The following PTPRG variants were observed in gnomAD, a reference collection of about 807,000 sequenced individuals.
PTPRG encodes the protein receptor-type tyrosine-protein phosphatase gamma.
A neutral mutation model predicts 165.3 loss-of-function variants in PTPRG; 102 were observed. The observed-to-expected ratio is 0.62, with a 90% confidence interval of 0.53 to 0.73. PTPRG has a LOEUF of 0.73. PTPRG is among the 30% of genes least tolerant of loss of function. The pLI, the probability that PTPRG is intolerant of heterozygous loss-of-function variation, is 0.00. For synonymous variants in PTPRG, 675 were observed against 669.5 expected, an observed-to-expected ratio of 1.01 and a Z score of -0.13; for missense variants, 1,866 against 1,861.4, an observed-to-expected ratio of 1.00 and a Z score of -0.05.
Position 62,264,457 on chromosome 3 carries a change from T to C in PTPRG, c.2656+1563T>C, listed in dbSNP as rs889260622. 4.6e-5 allele frequency among the ~76,000 whole-genome samples: 7 copies of C among 152,112 alleles called. No individual in the cohort carries two copies. In the East Asian group the frequency reaches 7.7e-4, roughly 17 times the overall value. On this transcript the variant is annotated intron_variant, in intron 17 of 29. Coordinates refer to ENST00000474889, the MANE Select transcript of PTPRG (RefSeq NM_002841.4). The stretch of plus-strand genomic sequence containing the variant: ...TTAGCAGGCACTCCCAATTCCTCCT[T>C]CTCTCCAGCACTTAGAAACCCTGTA...
intron 9 of PTPRG, among the ~76,000 whole-genome samples, chr3:62,194,483 A>G (rs554210544): frequency 1.3e-5 from 2 of 152,198 alleles, no homozygotes; most frequent in African/African-American, 4.8e-5. Flanking sequence ...CATGCCCCAT[A>G]CTCTGCGTAA....
chr3:61,911,282 C>T (rs972412057), intron 2 of PTPRG, among the ~76,000 whole-genome samples: 2 of 152,094 alleles, frequency 1.3e-5, no homozygotes, highest in African/African-American at 2.4e-5. Flanking sequence ...CTTTGTTTCT[C>T]CTTACTGTAT....
intron 2 of PTPRG, among the ~76,000 whole-genome samples, chr3:61,757,338 T>C (rs1306074348): frequency 6.6e-6 from 1 of 152,054 alleles, no homozygotes; most frequent in African/African-American, 2.4e-5. Flanking sequence ...GATTCATAAT[T>C]TTTTTTAATG....
intron 2 of PTPRG, among the ~76,000 whole-genome samples, chr3:61,789,614 A>C (rs1266061739): frequency 6.6e-6 from 1 of 152,212 alleles, no homozygotes; most frequent in Admixed American, 6.5e-5. Flanking sequence ...CTTTGCATTC[A>C]GTACTTTATA....
intron 2 of PTPRG, among the ~76,000 whole-genome samples, chr3:61,935,799 G>T (rs1340597981): frequency 6.6e-6 from 1 of 151,160 alleles, no homozygotes; most frequent in African/African-American, 2.4e-5. Context: ...ATTAATATTA[G>T]CCAACCTCAC....
rs138961202 is a variant in PTPRG, at chr3:61,869,033, G to T, written c.190+120051G>T. Among the ~76,000 whole-genome samples the T allele has an allele frequency of 3.5e-3, 533 of 151,988 alleles. 2 individuals carry two copies. The highest frequency in any genetic ancestry group is 0.012 in the African/African-American group (503 of 41,440). ...AGTTTCCACGCTTCATAAAGCATTAGGAGGACGGCATTTCACTTGCCGTTC... is the reference window on the plus strand; with the variant it reads ...AGTTTCCACGCTTCATAAAGCATTATGAGGACGGCATTTCACTTGCCGTTC... On this transcript the variant is annotated intron_variant, in intron 2 of 29. Transcript: ENST00000474889.
chr3:62,277,427 G>A, intron 25 of PTPRG, 124 bp from the exon 26 acceptor site: 3 of 1,093,852 alleles, frequency 2.7e-6, no homozygotes, highest in East Asian at 2.5e-5. Context: ...TGTACCGAAT[G>A]CCTTTCTCAA....
Position 61,562,334 on chromosome 3 carries a change from T to C in PTPRG, c.47T>C (p.Ile16Thr), listed in dbSNP as rs761960149. The change falls in exon 1 of 30, where the codon ATC (isoleucine) becomes ACC (threonine). Residue 16 changes from isoleucine (I) to threonine (T), a missense_variant. This residue lies in a region of PTPRG where 408 missense variants were observed against 376.2 expected (regional missense o/e 1.08). Transcript: ENST00000474889. ...EPCWWILFLK[I>T]TSSVLHYVVC... Reference sequence around the variant, plus strand: ...TGTTGGTGGATTTTGTTCCTGAAAATCACCAGTTCCGTGCTCCATTATGTC... The same window carrying C: ...TGTTGGTGGATTTTGTTCCTGAAAACCACCAGTTCCGTGCTCCATTATGTC... The C allele has an allele frequency of 6.8e-6, 11 of 1,613,612 alleles. 1 individual carries two copies. The South Asian group carries it at 1.1e-4, about 16-fold the overall frequency.
chr3:61,812,882 G>A (rs1487689898), intron 2 of PTPRG, among the ~76,000 whole-genome samples: 1 of 152,184 alleles, frequency 6.6e-6, no homozygotes, highest in East Asian at 1.9e-4. Flanking sequence ...TGCTCCTACT[G>A]GTTTAGGATG....
At position 62,121,921 on chromosome 3, in the gene PTPRG, A is replaced by G. The variant is rs540190291; in HGVS notation, c.616-10681A>G. ...CACGTTCTATCAATCAAGGCCTGCC[A>G]GGAAAGATTTTGTCTTTCCTCATTG... On this transcript the variant is annotated intron_variant, in intron 5 of 29. Transcript: ENST00000474889. Among the ~76,000 whole-genome samples the G allele has an allele frequency of 4.1e-3, 620 of 152,372 alleles. 5 individuals carry two copies. Among genetic ancestry groups the G allele is most frequent in the African/African-American group, 0.014 (596 of 41,588 alleles).
At chr3:62,023,740 C>T (rs72887833) in intron 4 of PTPRG, among the ~76,000 whole-genome samples, 77 of 152,098 alleles carry the variant, frequency 5.1e-4, no homozygotes, top group African/African-American at 1.7e-3. Flanking sequence ...GTCTTAAATG[C>T]GAAGAGATTA....
At chr3:61,692,121 C>T (rs2030256007) in intron 1 of PTPRG, among the ~76,000 whole-genome samples, 1 of 152,190 alleles carries the variant, frequency 6.6e-6, no homozygotes, top group Non-Finnish European at 1.5e-5. Context: ...GCAGAGTTTT[C>T]TCCTTAAGGA....
intron 2 of PTPRG, among the ~76,000 whole-genome samples, chr3:61,904,694 T>C (rs2038596353): frequency 6.6e-6 from 1 of 152,182 alleles, no homozygotes; most frequent in African/African-American, 2.4e-5. Flanking sequence ...TCTAAAATGC[T>C]GTCCCCTAGG....
At chr3:61,678,662 C>G (rs1703321549) in intron 1 of PTPRG, among the ~76,000 whole-genome samples, 1 of 152,166 alleles carries the variant, frequency 6.6e-6, no homozygotes, top group Non-Finnish European at 1.5e-5. Context: ...CCAGGCGTCT[C>G]CGCTTGGCAT....
At chr3:61,827,355 G>T (rs1415837792) in intron 2 of PTPRG, among the ~76,000 whole-genome samples, 1 of 152,202 alleles carries the variant, frequency 6.6e-6, no homozygotes, top group Non-Finnish European at 1.5e-5. Flanking sequence ...TGCACTTTCG[G>T]AGAAGGGTTT....
chr3:61,979,211 C>G (rs1240957908), intron 2 of PTPRG, among the ~76,000 whole-genome samples: 1 of 152,134 alleles, frequency 6.6e-6, no homozygotes, highest in Non-Finnish European at 1.5e-5. Flanking sequence ...ATTGATTTTT[C>G]CTTTTGGTTC....
intron 2 of PTPRG, among the ~76,000 whole-genome samples, chr3:61,804,919 T>A (rs967829841): frequency 6.6e-6 from 1 of 152,146 alleles, no homozygotes; most frequent in Non-Finnish European, 1.5e-5. Context: ...ATTTTCCTCT[T>A]TTGAGTTTTA....
intron 2 of PTPRG, among the ~76,000 whole-genome samples, chr3:61,970,789 A>G (rs1402646468): frequency 1.3e-5 from 2 of 151,048 alleles, no homozygotes; most frequent in Non-Finnish European, 3.0e-5. Flanking sequence ...GTTAGGAAAG[A>G]ATCACCCAAT....
At chr3:62,015,584 G>A (rs1477485514) in intron 4 of PTPRG, among the ~76,000 whole-genome samples, 1 of 152,042 alleles carries the variant, frequency 6.6e-6, no homozygotes, top group Non-Finnish European at 1.5e-5. Context: ...TAATGCAATC[G>A]TTCCACCCCA....
Sources: allele counts gnomAD v4.1 joint callset (sites outside exome capture counted in the v4.1 genomes callset), GRCh38; gene constraint gnomAD v4.1.1; regional missense constraint gnomAD v4.1.1; transcripts MANE v1.5; gene names NCBI Gene and HGNC (gene_info 2026-07-23, HGNC 2026-07-21).